Variants in GSDMA observed in about 807,000 individuals in gnomAD.
GSDMA encodes gasdermin A.
In GSDMA, 55 loss-of-function variants were observed where a neutral mutation model predicts 54.3. That is an observed-to-expected ratio of 1.01 (90% CI 0.82 to 1.27). GSDMA has a LOEUF of 1.27. Among genes scored for constraint, GSDMA ranks in the 50% most tolerant of loss-of-function variants. The probability of loss-of-function intolerance (pLI) is 0.00; values close to 1 mark genes in which losing one functional copy is unlikely to be tolerated. For missense variants in GSDMA, 542 were observed against 542.6 expected (o/e 1.00, Z 0.01); for synonymous variants, 211 against 224.7 (o/e 0.94, Z 0.54).
At chr17:39,966,010 T>A in intron 2 of GSDMA, 109 bp downstream of exon 2, 1 of 1,035,966 alleles carries the variant, frequency 9.7e-7, no homozygotes, top group South Asian at 1.5e-5. Flanking sequence ...TGATTAGATG[T>A]CATCTAGCCC....
At chr17:39,974,053 A>G (rs1272258048) in intron 8 of GSDMA, among the ~76,000 whole-genome samples, 1 of 152,200 alleles carries the variant, frequency 6.6e-6, no homozygotes, top group Admixed American at 6.5e-5. Context: ...TAGATGATAC[A>G]TGCATCCTGG....
chr17:39,963,288 CCCAGGTAGCA>C (rs2144780946), intron 1 of GSDMA, among the ~76,000 whole-genome samples: 1 of 152,044 alleles, frequency 6.6e-6, no homozygotes, highest in East Asian at 1.9e-4. Flanking sequence ...CCCAGGTGCA[CCCAGGTAGCA>C]CCAGGAGGTT....
At chr17:39,976,627 G>A (rs1980211644) in intron 11 of GSDMA, among the ~76,000 whole-genome samples, 189 bp from the exon 12 acceptor site, 1 of 152,166 alleles carries the variant, frequency 6.6e-6, no homozygotes, top group African/African-American at 2.4e-5. Flanking sequence ...TTATTCCTCT[G>A]TAAAATGGGG....
At chr17:39,975,088 A>G (rs953455719) in intron 10 of GSDMA, 74 bp downstream of exon 10, 1 of 786,944 alleles carries the variant, frequency 1.3e-6, no homozygotes, top group Non-Finnish European at 2.2e-6. Flanking sequence ...CAATTCCCAA[A>G]TGGATGAATA....
At chr17:39,973,179 G>C (rs374529030) in intron 7 of GSDMA, among the ~76,000 whole-genome samples, 3 of 151,826 alleles carry the variant, frequency 2.0e-5, no homozygotes, top group East Asian at 3.9e-4. Flanking sequence ...CACCATGTTG[G>C]TCAGGCAGGT....
intron 3 of GSDMA, among the ~76,000 whole-genome samples, chr17:39,970,139 A>C (rs894540529): frequency 1.3e-5 from 2 of 151,772 alleles, no homozygotes; most frequent in African/African-American, 4.8e-5. Flanking sequence ...GGGAGGAAAG[A>C]GGGGGGGAGC....
At position 39,965,734 on chromosome 17, in the gene GSDMA, AC is replaced by A; in HGVS notation, c.50del (p.Pro17LeufsTer5). 1 of 1,611,618 alleles carries A rather than the reference AC, an allele frequency of 6.2e-7. No homozygotes were observed. Among genetic ancestry groups the A allele is most frequent in the Non-Finnish European group, 8.5e-7 (1 of 1,178,988 alleles). On this transcript the variant is annotated frameshift_variant, in exon 2 of 12. Transcript: ENST00000301659. LOFTEE classifies it high-confidence loss of function. ...NVTRALARQL[N>X]PRGDLTPLDS... ...ACCCGGGCCCTGGCCAGACAGCTAA[AC>A]CCTCGAGGGGACCTGACACCACTTG...
intron 11 of GSDMA, among the ~76,000 whole-genome samples, chr17:39,976,532 C>A (rs1980207479): frequency 6.6e-6 from 1 of 152,168 alleles, no homozygotes; most frequent in South Asian, 2.1e-4. Flanking sequence ...CCCACCTCAG[C>A]CTCCCAAAGT....
rs1481158608 is a variant in GSDMA at position 39,977,302 on chromosome 17, T to C, written c.*244T>C. The C allele has an allele frequency of 2.5e-6, 1 of 402,664 alleles. No homozygotes were observed. Among genetic ancestry groups the C allele is most frequent in the Non-Finnish European group, 4.4e-6 (1 of 226,326 alleles). 24.9% of individuals were successfully genotyped at this position (402,664 alleles called of 1,614,324 possible). Reference sequence around the variant, plus strand: ...CTTTACTTTTCTTTTCTTTTTTTTTTTTTTTTTGAGATGGAGGCTCACTCT... The same window carrying C: ...CTTTACTTTTCTTTTCTTTTTTTTTCTTTTTTTGAGATGGAGGCTCACTCT... On this transcript the variant is annotated 3_prime_UTR_variant, in exon 12 of 12. Transcript: ENST00000301659.
At chr17:39,970,676 C>T (rs2144791140) in intron 4 of GSDMA, 29 bp downstream of exon 4, 1 of 1,440,816 alleles carries the variant, frequency 6.9e-7, no homozygotes, top group African/African-American at 1.4e-5. Context: ...CACACACACA[C>T]ACACACACTC....
intron 3 of GSDMA, among the ~76,000 whole-genome samples, chr17:39,969,502 T>C (rs1326723884): frequency 6.6e-6 from 1 of 151,928 alleles, no homozygotes; most frequent in Non-Finnish European, 1.5e-5. Flanking sequence ...ATGGATAAGA[T>C]TTAGGAACTA....
Position 39,972,172 on chromosome 17 carries a change from T to A in GSDMA, c.699T>A (p.Pro233=). 3 of 1,442,022 alleles carry A rather than the reference T, an allele frequency of 2.1e-6. No individual in the cohort carries two copies. The highest frequency in any genetic ancestry group is 2.8e-6 in the Non-Finnish European group (3 of 1,073,562). The allele number at this position is 1,442,022 out of a possible 1,614,324, so 89.3% of individuals were successfully genotyped here. A position where few individuals can be genotyped will look rare whatever the true frequency, so the allele number is the denominator to read the frequency against. The part of the protein sequence containing the change: ...ICNDNMQTFP[P]GEKSGEEKVI... Reference sequence around the variant, plus strand: ...ATGATAACATGCAAACCTTCCCTCCTGGAGGTAAGTGAAATTGCTTACGGG... The same window carrying A: ...ATGATAACATGCAAACCTTCCCTCCAGGAGGTAAGTGAAATTGCTTACGGG... Residue 233 remains proline (P), a synonymous_variant, in exon 6 of 12, where the codon CCT becomes CCA. Coordinates refer to ENST00000301659, the MANE Select transcript of GSDMA (RefSeq NM_178171.5).
At chr17:39,964,819 A>G (rs373222920) in intron 1 of GSDMA, among the ~76,000 whole-genome samples, 11 of 151,822 alleles carry the variant, frequency 7.2e-5, no homozygotes, top group East Asian at 3.9e-4. Flanking sequence ...AGAAAGCTTT[A>G]CTTCCATTGC....
At chr17:39,970,349 C>T (rs1979873251) in intron 3 of GSDMA, 133 bp from the exon 4 acceptor site, 3 of 759,090 alleles carry the variant, frequency 4.0e-6, no homozygotes, top group Non-Finnish European at 3.8e-6. Flanking sequence ...TCAACCTCAG[C>T]CCTAGTCCAG....
At chr17:39,967,323 A>G (rs560691801) in intron 3 of GSDMA, among the ~76,000 whole-genome samples, 2 of 152,334 alleles carry the variant, frequency 1.3e-5, no homozygotes, top group South Asian at 4.1e-4. Context: ...GATCTCACAG[A>G]CATGGCAGCC....
chr17:39,973,785 C>G (rs951788070), intron 7 of GSDMA, 25 bp from the exon 8 acceptor site: 2 of 1,372,652 alleles, frequency 1.5e-6, no homozygotes, highest in African/African-American at 2.9e-5. Flanking sequence ...GCATTCTTAT[C>G]TTTTTTTTTT....
Position 39,967,509 on chromosome 17 carries a change from A to G in GSDMA, c.392+1072A>G, listed in dbSNP as rs536706485. 7.7e-4 allele frequency among the ~76,000 whole-genome samples: 117 copies of G among 152,314 alleles called. 3 individuals are homozygous for G. In the South Asian group the frequency reaches 0.015, roughly 19 times the overall value. On this transcript the variant is annotated intron_variant, in intron 3 of 11. Coordinates refer to ENST00000301659, the MANE Select transcript of GSDMA (RefSeq NM_178171.5). The stretch of plus-strand genomic sequence containing the variant: ...CAGGAAATGCAGGTGAACCCAAACC[A>G]TGGAAGAGGCAAGTGGCAGCTCCAG...
Position 39,967,615 on chromosome 17 carries a change from G to A in GSDMA, c.392+1178G>A, listed in dbSNP as rs1275923442. ...ACTAATCCAGCCAGATGGAGGAAGT[G>A]TGTCAGATAGGGGAAGAGGAACAGG... On this transcript the variant is annotated intron_variant, in intron 3 of 11. Coordinates refer to ENST00000301659, the MANE Select transcript of GSDMA (RefSeq NM_178171.5). Among the ~76,000 whole-genome samples the A allele has an allele frequency of 2.6e-5, 4 of 152,214 alleles. No homozygotes were observed. The East Asian group carries it at 7.7e-4, about 29-fold the overall frequency.
In GSDMA at chr17:39,970,573, G is replaced by A; in HGVS notation, c.484G>A (p.Glu162Lys). The A allele has an allele frequency of 6.2e-7, 1 of 1,609,578 alleles. No homozygotes were observed. The highest frequency in any genetic ancestry group is 8.5e-7 in the Non-Finnish European group (1 of 1,177,746). The change falls in exon 4 of 12, where the codon GAG becomes AAG. Residue 162 changes from glutamate (E) to lysine (K), a missense_variant. By Grantham distance (56) the Glu-to-Lys change is moderately conservative. Coordinates refer to ENST00000301659, the MANE Select transcript of GSDMA (RefSeq NM_178171.5). ...VVMEVVETVQ[E>K]VTLERAGKAE... ...GATGGAGGTGGTGGAGACGGTGCAG[G>A]AGGTCACACTGGAGCGAGCCGGCAA...
Sources: gnomAD v4.1 joint callset for allele counts (sites outside exome capture counted in the v4.1 genomes callset) on GRCh38, gnomAD v4.1.1 for gene constraint, MANE v1.5 for transcripts, NCBI Gene and HGNC (gene_info 2026-07-23, HGNC 2026-07-21) for gene names.